The following GPC5 variants were observed in gnomAD, a reference collection of about 807,000 sequenced individuals.
The protein encoded by GPC5 is glypican-5.
Under a neutral mutation model 53.9 loss-of-function variants are expected in GPC5, and 47 were observed. The observed-to-expected ratio is 0.87, with a 90% confidence interval of 0.69 to 1.11. The LOEUF (loss-of-function observed/expected upper bound fraction) is 1.11. Ranked by LOEUF, GPC5 falls within the 50% of genes most tolerant of loss-of-function variation. The pLI, the probability that GPC5 is intolerant of heterozygous loss-of-function variation, is 0.00. For missense variants in GPC5, 748 were observed against 713.1 expected, an observed-to-expected ratio of 1.05 and a Z score of -0.56; for synonymous variants, 286 against 263.3, an observed-to-expected ratio of 1.09 and a Z score of -0.84.
At position 92,015,343 on chromosome 13, in the gene GPC5, T is replaced by C. The variant is rs547530918; in HGVS notation, c.1401+107286T>C. 5.3e-5 allele frequency among the ~76,000 whole-genome samples: 8 copies of C among 152,310 alleles called. 1 individual carries two copies. The South Asian group carries it at 1.7e-3, about 32-fold the overall frequency. On this transcript the variant is annotated intron_variant, in intron 6 of 7. Coordinates refer to ENST00000377067, the MANE Select transcript of GPC5 (RefSeq NM_004466.6). Reference sequence around the variant, plus strand: ...CTAACTGTCTAAGGAAATAACCCTTTTTCTATAAAATCCCCTTTTATAGTT... The same window carrying C: ...CTAACTGTCTAAGGAAATAACCCTTCTTCTATAAAATCCCCTTTTATAGTT...
chr13:92,762,393 A>C (rs532468372), intron 7 of GPC5, among the ~76,000 whole-genome samples: 5 of 152,284 alleles, frequency 3.3e-5, no homozygotes, highest in African/African-American at 9.6e-5. Flanking sequence ...ACAAAGTAGA[A>C]AACTATAACA....
chr13:91,481,240 A>G (rs974373758), intron 2 of GPC5, among the ~76,000 whole-genome samples: 12 of 152,174 alleles, frequency 7.9e-5, no homozygotes, highest in African/African-American at 2.9e-4. Context: ...TCTTTGTAGT[A>G]TTTCTAATCT....
chr13:92,511,889 A>G (rs970408758), intron 7 of GPC5, among the ~76,000 whole-genome samples: 2 of 152,048 alleles, frequency 1.3e-5, no homozygotes, highest in African/African-American at 4.8e-5. Flanking sequence ...TATGCTTGTT[A>G]TATGGTGAAA....
chr13:91,936,312 T>A (rs2039870494), intron 6 of GPC5, among the ~76,000 whole-genome samples: 1 of 151,964 alleles, frequency 6.6e-6, no homozygotes. Flanking sequence ...ATTCAGGTAG[T>A]GGGTAAGGAA....
intron 4 of GPC5, among the ~76,000 whole-genome samples, chr13:91,731,696 G>A (rs866139819): frequency 2.0e-4 from 31 of 151,934 alleles, no homozygotes; most frequent in African/African-American, 6.3e-4. Context: ...TCCCCACCCC[G>A]ACTGGCCCTG....
At chr13:92,037,753 C>A (rs1391435071) in intron 6 of GPC5, among the ~76,000 whole-genome samples, 1 of 152,052 alleles carries the variant, frequency 6.6e-6, no homozygotes, top group Non-Finnish European at 1.5e-5. Flanking sequence ...CTGTGTGAAA[C>A]TTAGATGGCA....
At chr13:92,196,181 G>T (rs2139053889) in intron 7 of GPC5, among the ~76,000 whole-genome samples, 1 of 152,118 alleles carries the variant, frequency 6.6e-6, no homozygotes, top group East Asian at 1.9e-4. Context: ...AATGCTACAT[G>T]ATATGCTAAC....
intron 7 of GPC5, among the ~76,000 whole-genome samples, chr13:92,419,696 C>T (rs902778895): frequency 6.6e-6 from 1 of 152,160 alleles, no homozygotes; most frequent in African/African-American, 2.4e-5. Flanking sequence ...CTCCCTAGCC[C>T]ACCAGCATGG....
At chr13:92,580,599 C>G (rs1883340366) in intron 7 of GPC5, among the ~76,000 whole-genome samples, 1 of 152,118 alleles carries the variant, frequency 6.6e-6, no homozygotes, top group Non-Finnish European at 1.5e-5. Flanking sequence ...CCAGCATCTA[C>G]TTGGCTTTTC....
chr13:92,192,288 A>G (rs749061120), intron 7 of GPC5, among the ~76,000 whole-genome samples: 3 of 151,946 alleles, frequency 2.0e-5, no homozygotes, highest in Non-Finnish European at 4.4e-5. Flanking sequence ...CAAATATACC[A>G]CTCTCGCAGG....
At chr13:92,729,320 G>A (rs1888735561) in intron 7 of GPC5, among the ~76,000 whole-genome samples, 1 of 151,300 alleles carries the variant, frequency 6.6e-6, no homozygotes, top group Non-Finnish European at 1.5e-5. Context: ...CAATGTGGTA[G>A]CCACTAACTA....
intron 5 of GPC5, among the ~76,000 whole-genome samples, chr13:91,823,699 G>A (rs150552687): frequency 3.9e-4 from 60 of 152,034 alleles, no homozygotes; most frequent in African/African-American, 1.4e-3. Flanking sequence ...AACATAAACT[G>A]CACAAAACCA....
intron 7 of GPC5, chr13:92,241,901 A>C (rs550963957): frequency 6.6e-6 from 1 of 152,266 alleles, no homozygotes; most frequent in South Asian, 2.1e-4. Flanking sequence ...TAACTGCAGA[A>C]GCTATTGTAG....
intron 2 of GPC5, among the ~76,000 whole-genome samples, chr13:91,660,454 GA>G (rs2034960902): frequency 6.6e-6 from 1 of 152,200 alleles, no homozygotes; most frequent in Non-Finnish European, 1.5e-5. Flanking sequence ...CTCACCCAGT[GA>G]AGCTTGGAGA....
chr13:91,967,841 G>C (rs2040195542), intron 6 of GPC5, among the ~76,000 whole-genome samples: 1 of 151,838 alleles, frequency 6.6e-6, no homozygotes, highest in African/African-American at 2.4e-5. Flanking sequence ...ATATTAGAGA[G>C]CTCCATTTCT....
At chr13:91,499,681 C>T (rs772470157) in intron 2 of GPC5, among the ~76,000 whole-genome samples, 13 of 152,282 alleles carry the variant, frequency 8.5e-5, no homozygotes, top group African/African-American at 1.2e-4. Context: ...GTGGTTACCT[C>T]GTCTTTCATC....
chr13:92,470,744 T>C (rs1878877320), intron 7 of GPC5, among the ~76,000 whole-genome samples: 1 of 152,206 alleles, frequency 6.6e-6, no homozygotes, highest in African/African-American at 2.4e-5. Context: ...GATTATGCAA[T>C]TTTAACCTTC....
intron 7 of GPC5, among the ~76,000 whole-genome samples, chr13:92,787,291 C>A (rs1320752405): frequency 6.6e-6 from 1 of 151,748 alleles, no homozygotes. Flanking sequence ...AAATTATGAT[C>A]CCGAAAGTAA....
At chr13:91,771,116 A>G (rs1302849956) in intron 5 of GPC5, among the ~76,000 whole-genome samples, 1 of 152,196 alleles carries the variant, frequency 6.6e-6, no homozygotes, top group Admixed American at 6.5e-5. Flanking sequence ...TACTTCCTCA[A>G]ATGAATTAGG....
Sources: allele counts gnomAD v4.1 joint callset (sites outside exome capture counted in the v4.1 genomes callset), GRCh38; gene constraint gnomAD v4.1.1; transcripts MANE v1.5; gene names NCBI Gene and HGNC (gene_info 2026-07-23, HGNC 2026-07-21).